NRG1: variants seen among roughly 807,000 people sequenced by gnomAD.
The protein encoded by NRG1 is pro-neuregulin-1, membrane-bound isoform.
A neutral mutation model predicts 63.8 loss-of-function variants in NRG1; 18 were observed. The observed-to-expected ratio is 0.28, with a 90% CI of 0.19 to 0.42. The LOEUF (loss-of-function observed/expected upper bound fraction) is 0.42. Ranked by LOEUF, NRG1 falls within the 10% of genes least tolerant of loss-of-function variation. NRG1 has a pLI of 1.00. For synonymous variants in NRG1, 302 were observed against 301.3 expected (o/e 1.00, Z -0.02); for missense variants, 762 against 814.7 (o/e 0.94, Z 0.79).
At chr8:32,221,296 G>A (rs761435621) in intron 1 of NRG1, among the ~76,000 whole-genome samples, 1 of 152,098 alleles carries the variant, frequency 6.6e-6, no homozygotes, top group Admixed American at 6.5e-5. Flanking sequence ...AAGGCTAGTA[G>A]GTGAAATATT....
chr8:32,512,855 T>G (rs1041722203), intron 1 of NRG1, among the ~76,000 whole-genome samples: 15 of 152,226 alleles, frequency 9.9e-5, no homozygotes, highest in Non-Finnish European at 5.9e-5. Context: ...ACATCTCTTT[T>G]GTAACTTGAA....
In NRG1 at chr8:31,768,670, T is replaced by C. The variant is rs146122227; in HGVS notation, c.37+129239T>C. 3.1e-3 allele frequency among the ~76,000 whole-genome samples: 474 copies of C among 152,342 alleles called. 3 individuals are homozygous for C. The highest frequency in any genetic ancestry group is 0.011 in the African/African-American group (443 of 41,580). Reference sequence around the variant, plus strand: ...GATTTCTGGTGGAATTCCTTTAGACTCAGCCTTATTCTTCAAGATACTGAA... The same window carrying C: ...GATTTCTGGTGGAATTCCTTTAGACCCAGCCTTATTCTTCAAGATACTGAA... On this transcript the variant is annotated intron_variant, in intron 1 of 10. Transcript: ENST00000519301.
chr8:32,259,390 AAAAGC>A (rs1427096175), intron 1 of NRG1, among the ~76,000 whole-genome samples: 1 of 152,120 alleles, frequency 6.6e-6, no homozygotes, highest in Non-Finnish European at 1.5e-5. Flanking sequence ...GGTTCCTGAT[AAAAGC>A]ATAAATTTCA....
At chr8:32,158,460 T>TATATATATATATATAG (rs1193183562) in intron 1 of NRG1, among the ~76,000 whole-genome samples, 4 of 131,098 alleles carry the variant, frequency 3.1e-5, no homozygotes, top group African/African-American at 1.1e-4. Flanking sequence ...TATATATATA[T>TATATATATATATATAG]ATATATATAT....
intron 1 of NRG1, among the ~76,000 whole-genome samples, chr8:32,048,286 C>A (rs116611796): frequency 0.035 from 5,269 of 149,732 alleles, 309 homozygotes; most frequent in African/African-American, 0.12. Context: ...TGTATACATA[C>A]ATGTACATAT....
intron 6 of NRG1, among the ~76,000 whole-genome samples, chr8:32,741,753 C>T (rs1452502108): frequency 6.6e-6 from 1 of 152,166 alleles, no homozygotes; most frequent in Non-Finnish European, 1.5e-5. Flanking sequence ...GCCTCTTATT[C>T]CACATTTCAA....
intron 1 of NRG1, among the ~76,000 whole-genome samples, chr8:32,540,034 G>A (rs193062502): frequency 8.5e-5 from 13 of 152,290 alleles, no homozygotes; most frequent in Admixed American, 8.5e-4. Flanking sequence ...AAATCTGAGA[G>A]TATTTGGTAG....
chr8:32,407,592 CCT>C (rs1233704870), intron 1 of NRG1, among the ~76,000 whole-genome samples: 3 of 151,958 alleles, frequency 2.0e-5, no homozygotes, highest in Non-Finnish European at 4.4e-5. Flanking sequence ...TGTTTTTGTG[CCT>C]CTGTCTCCAG....
chr8:32,688,982 A>G (rs1810891505), intron 5 of NRG1, among the ~76,000 whole-genome samples: 1 of 152,148 alleles, frequency 6.6e-6, no homozygotes, highest in Non-Finnish European at 1.5e-5. Context: ...TCTTAAACAC[A>G]ACATGTGCCT....
chr8:31,639,642 A>G, intron 1 of NRG1: 3 of 1,401,458 alleles, frequency 2.1e-6, no homozygotes, highest in East Asian at 2.9e-5. Context: ...CGGTGACAGC[A>G]GCCCCGACAG....
chr8:32,296,616 CAAAAAA>C (rs34816837), intron 1 of NRG1, among the ~76,000 whole-genome samples: 1 of 100,776 alleles, frequency 9.9e-6, no homozygotes. Context: ...AACTTTGTCC[CAAAAAA>C]AAAAAAAAAA....
chr8:32,290,199 C>T (rs768342260), intron 1 of NRG1, among the ~76,000 whole-genome samples: 1 of 152,078 alleles, frequency 6.6e-6, no homozygotes, highest in African/African-American at 2.4e-5. Context: ...TGTGATCACA[C>T]CACTGCTCTC....
intron 1 of NRG1, among the ~76,000 whole-genome samples, chr8:32,539,146 A>C (rs571462286): frequency 6.6e-6 from 1 of 152,316 alleles, no homozygotes; most frequent in South Asian, 2.1e-4. Context: ...GATAGAAAAG[A>C]GATTGTTTAT....
intron 1 of NRG1, among the ~76,000 whole-genome samples, chr8:32,069,731 A>T (rs1825464297): frequency 6.6e-6 from 1 of 152,074 alleles, no homozygotes; most frequent in Non-Finnish European, 1.5e-5. Flanking sequence ...CTATGATAGA[A>T]AGCAAGGGTA....
chr8:32,764,526 T>C (rs972260067), exon 12 of NRG1: 2 of 918,270 alleles, frequency 2.2e-6, no homozygotes, highest in Non-Finnish European at 1.5e-6. Context: ...AAAAAAACTT[T>C]TATAAATTAA....
At chr8:31,657,037 A>AT (rs35102426) in intron 1 of NRG1, among the ~76,000 whole-genome samples, 2 of 152,128 alleles carry the variant, frequency 1.3e-5, no homozygotes, top group African/African-American at 2.4e-5. Flanking sequence ...AATTGCGTGC[A>AT]TTTTTCCTGC....
chr8:31,914,669 A>G (rs1277572542), intron 1 of NRG1, among the ~76,000 whole-genome samples: 1 of 152,128 alleles, frequency 6.6e-6, no homozygotes, highest in Non-Finnish European at 1.5e-5. Context: ...GGAAAGTAGT[A>G]CCAGTTAATA....
intron 1 of NRG1, among the ~76,000 whole-genome samples, chr8:31,705,078 C>T (rs1585792660): frequency 6.6e-6 from 1 of 151,986 alleles, no homozygotes; most frequent in African/African-American, 2.4e-5. Flanking sequence ...TGTCTGTTGC[C>T]AGGCTGGAGT....
upstream of NRG1, chr8:32,548,179 G>T: frequency 1.0e-6 from 1 of 970,292 alleles, no homozygotes; most frequent in Middle Eastern, 5.3e-4. Context: ...GCGCCTCGGG[G>T]TGGGGGTGTG....
Sources: allele counts gnomAD v4.1 joint callset (sites outside exome capture counted in the v4.1 genomes callset), GRCh38; gene constraint gnomAD v4.1.1; transcripts MANE v1.5; gene names NCBI Gene and HGNC (gene_info 2026-07-23, HGNC 2026-07-21).